ENOX1: variants seen among roughly 807,000 people sequenced by gnomAD.
ENOX1 encodes candidate growth-related and time keeping constitutive hydroquinone (NADH) oxidase.
In ENOX1, 42 loss-of-function variants were observed where a neutral mutation model predicts 82.5. The ratio of observed to expected loss-of-function variants is 0.51; its 90% CI spans 0.40 to 0.66. The LOEUF is 0.66. Ranked by LOEUF, ENOX1 falls within the 30% of genes least tolerant of loss-of-function variation. ENOX1 has a pLI of 0.00. For missense variants in ENOX1, 608 were observed against 811.6 expected, an observed-to-expected ratio of 0.75 and a Z score of 3.05; for synonymous variants, 271 against 282.2, an observed-to-expected ratio of 0.96 and a Z score of 0.40.
intron 1 of ENOX1, among the ~76,000 whole-genome samples, chr13:43,700,517 G>A (rs2086855032): frequency 6.6e-6 from 1 of 152,066 alleles, no homozygotes; most frequent in African/African-American, 2.4e-5. Flanking sequence ...TCAATTTACA[G>A]GAAGTTGCAA....
intron 2 of ENOX1, among the ~76,000 whole-genome samples, chr13:43,520,432 T>C (rs1438281462): frequency 6.6e-6 from 1 of 152,216 alleles, no homozygotes; most frequent in African/African-American, 2.4e-5. Context: ...TGTTTGTTTT[T>C]CAATTTTATG....
At chr13:43,540,261 A>G (rs1205866502) in intron 2 of ENOX1, among the ~76,000 whole-genome samples, 1 of 152,172 alleles carries the variant, frequency 6.6e-6, no homozygotes, top group African/African-American at 2.4e-5. Flanking sequence ...CCCTAACACT[A>G]TTCAGCATCA....
intron 1 of ENOX1, among the ~76,000 whole-genome samples, chr13:43,691,450 A>G (rs531571649): frequency 6.6e-6 from 1 of 151,984 alleles, no homozygotes; most frequent in Non-Finnish European, 1.5e-5. Flanking sequence ...CTTTGTATAA[A>G]CCCTCACAAC....
chr13:43,306,362 TTTTC>T (rs1476429127), intron 11 of ENOX1, among the ~76,000 whole-genome samples: 1 of 152,186 alleles, frequency 6.6e-6, no homozygotes, highest in Non-Finnish European at 1.5e-5. Flanking sequence ...TCGATTTTAG[TTTTC>T]TTTTTCACTT....
At chr13:43,578,787 G>C (rs1003290726) in intron 2 of ENOX1, among the ~76,000 whole-genome samples, 1 of 152,132 alleles carries the variant, frequency 6.6e-6, no homozygotes, top group African/African-American at 2.4e-5. Context: ...AGGTATCTTT[G>C]TAGAATGAAT....
intron 3 of ENOX1, among the ~76,000 whole-genome samples, chr13:43,478,579 AT>A (rs1453087535): frequency 6.6e-6 from 1 of 152,168 alleles, no homozygotes; most frequent in African/African-American, 2.4e-5. Context: ...TTCTATTCCC[AT>A]AAATGTAGCC....
At chr13:43,261,958 G>A (rs1036075981) in intron 14 of ENOX1, among the ~76,000 whole-genome samples, 1 of 151,112 alleles carries the variant, frequency 6.6e-6, no homozygotes, top group African/African-American at 2.4e-5. Context: ...CCTGCACAAT[G>A]TGCACATGTA....
intron 1 of ENOX1, among the ~76,000 whole-genome samples, chr13:43,748,798 T>G (rs998371891): frequency 1.3e-5 from 2 of 152,240 alleles, no homozygotes; most frequent in Admixed American, 1.3e-4. Context: ...CTTATTAATC[T>G]AAGTAAAACT....
chr13:43,223,779 A>G (rs964982944), intron 16 of ENOX1, among the ~76,000 whole-genome samples: 2 of 152,196 alleles, frequency 1.3e-5, no homozygotes, highest in African/African-American at 4.8e-5. Flanking sequence ...AGGTGAACCT[A>G]TATTTTTAAA....
At chr13:43,777,558 T>C (rs538108140) in intron 1 of ENOX1, among the ~76,000 whole-genome samples, 8 of 151,666 alleles carry the variant, frequency 5.3e-5, no homozygotes, top group African/African-American at 1.9e-4. Context: ...TTTTTTTTTT[T>C]CTGAGACGGA....
rs1297678055 is a variant in ENOX1, at chr13:43,470,377, C to CGTGT, written c.-75+13631_-75+13632insACAC. Among the ~76,000 whole-genome samples the CGTGT allele has an allele frequency of 1.5e-4, 4 of 27,054 alleles. 1 individual carries two copies. Among genetic ancestry groups the CGTGT allele is most frequent in the African/African-American group, 2.5e-4 (2 of 7,870 alleles). 17.7% of individuals were successfully genotyped at this position (27,054 alleles called of 152,430 possible). On this transcript the variant is annotated intron_variant, in intron 3 of 16. Coordinates refer to ENST00000690772, the MANE Select transcript of ENOX1 (RefSeq NM_001347969.2). ...ATGTATATATATACGTATATATATACATATATATACGTATATATATGTGTA... is the reference window on the plus strand; with the variant it reads ...ATGTATATATATACGTATATATATACGTGTATATATATACGTATATATATGTGTA...
chr13:43,353,437 A>G (rs1328091165), intron 8 of ENOX1, among the ~76,000 whole-genome samples: 1 of 152,240 alleles, frequency 6.6e-6, no homozygotes, highest in Non-Finnish European at 1.5e-5. Flanking sequence ...AAAAAATCAA[A>G]TCCAATTAGG....
At chr13:43,220,891 C>T (rs981548966) in intron 16 of ENOX1, among the ~76,000 whole-genome samples, 5 of 152,158 alleles carry the variant, frequency 3.3e-5, no homozygotes, top group Non-Finnish European at 7.3e-5. Flanking sequence ...ATTTCCCCAC[C>T]CTCATCACCT....
chr13:43,627,087 C>A (rs1474169003), intron 2 of ENOX1, among the ~76,000 whole-genome samples: 3 of 151,956 alleles, frequency 2.0e-5, no homozygotes, highest in Non-Finnish European at 4.4e-5. Context: ...TCTACTTTAT[C>A]TGATATTAAC....
At chr13:43,568,656 C>A (rs1388731981) in intron 2 of ENOX1, among the ~76,000 whole-genome samples, 2 of 147,978 alleles carry the variant, frequency 1.4e-5, no homozygotes, top group African/African-American at 2.5e-5. Flanking sequence ...TTCAGCCTTT[C>A]TTTTATCTAG....
intron 2 of ENOX1, among the ~76,000 whole-genome samples, chr13:43,505,597 G>A (rs960582621): frequency 4.0e-5 from 6 of 151,886 alleles, no homozygotes; most frequent in Non-Finnish European, 8.8e-5. Flanking sequence ...CTTTTTGATG[G>A]GGTTGTTTTT....
At chr13:43,474,620 T>G (rs2058204720) in intron 3 of ENOX1, among the ~76,000 whole-genome samples, 1 of 151,820 alleles carries the variant, frequency 6.6e-6, no homozygotes, top group South Asian at 2.1e-4. Flanking sequence ...AAGTTGCTGA[T>G]TCCTCTCACT....
intron 14 of ENOX1, among the ~76,000 whole-genome samples, chr13:43,247,927 C>T (rs1421932029): frequency 3.8e-5 from 4 of 105,076 alleles, no homozygotes; most frequent in Admixed American, 1.2e-4. Flanking sequence ...GCTCTGTCGC[C>T]CAGGCTGGAG....
At chr13:43,449,935 G>A (rs955904777) in intron 3 of ENOX1, among the ~76,000 whole-genome samples, 7 of 152,220 alleles carry the variant, frequency 4.6e-5, no homozygotes, top group African/African-American at 1.7e-4. Context: ...AGGATGGAAC[G>A]GCAGGTTTTC....
Sources: gnomAD v4.1 joint callset for allele counts (sites outside exome capture counted in the v4.1 genomes callset) on GRCh38, gnomAD v4.1.1 for gene constraint, MANE v1.5 for transcripts, NCBI Gene and HGNC (gene_info 2026-07-23, HGNC 2026-07-21) for gene names.